FBXO25: variants seen among roughly 807,000 people sequenced by gnomAD.
FBXO25 encodes the protein F-box only protein 25.
A neutral mutation model predicts 51.9 loss-of-function variants in FBXO25; 45 were observed. The ratio of observed to expected loss-of-function variants is 0.87; its 90% CI spans 0.68 to 1.11. The LOEUF (loss-of-function observed/expected upper bound fraction) is 1.11. Among genes scored for constraint, FBXO25 ranks in the 50% most tolerant of loss-of-function variants. The probability of loss-of-function intolerance (pLI) is 0.00; values close to 1 mark genes in which losing one functional copy is unlikely to be tolerated. For synonymous variants in FBXO25, 199 were observed against 151.0 expected, an observed-to-expected ratio of 1.32 and a Z score of -2.33; for missense variants, 507 against 428.5, an observed-to-expected ratio of 1.18 and a Z score of -1.62.
chr8:419,439 C>T (rs146850439), intron 2 of FBXO25, among the ~76,000 whole-genome samples: 71 of 152,264 alleles, frequency 4.7e-4, no homozygotes, highest in African/African-American at 1.7e-3. Context: ...GTATGTGGTA[C>T]TGGCGAAAAG....
In FBXO25 at chr8:451,467, G is replaced by T; in HGVS notation, c.660+14G>T. 1 of 1,607,726 alleles carries T rather than the reference G, an allele frequency of 6.2e-7. No individual in the cohort carries two copies. Among genetic ancestry groups the T allele is most frequent in the South Asian group, 1.1e-5 (1 of 90,120 alleles). ...CAGATGACTAAGGTATAAATATCTC[G>T]GCATAAGAGTTATTACACTCTGTTT... On this transcript the variant is annotated intron_variant, in intron 7 of 9. Transcript: ENST00000350302.
At chr8:426,226 G>A (rs1404358382) in intron 2 of FBXO25, among the ~76,000 whole-genome samples, 2 of 152,164 alleles carry the variant, frequency 1.3e-5, no homozygotes, top group South Asian at 2.1e-4. Flanking sequence ...TCATCCCTCA[G>A]CTCCTGGTCA....
rs112890066 is a variant in FBXO25, at chr8:459,746, G to C, written c.843+1195G>C. ...TAGGGCCTAGACAGATGCATATGGAGAGGACAGGAGGCAACGGGATCAGCC... is the reference window on the plus strand; with the variant it reads ...TAGGGCCTAGACAGATGCATATGGACAGGACAGGAGGCAACGGGATCAGCC... On this transcript the variant is annotated intron_variant, in intron 8 of 9. Coordinates refer to ENST00000350302, the MANE Select transcript of FBXO25 (RefSeq NM_183420.2). 1.3e-3 allele frequency among the ~76,000 whole-genome samples: 203 copies of C among 152,312 alleles called. 2 individuals carry two copies. The highest frequency in any genetic ancestry group is 6.8e-3 in the Middle Eastern group (2 of 294).
intron 5 of FBXO25, among the ~76,000 whole-genome samples, chr8:448,451 T>C (rs1434394204): frequency 6.6e-6 from 1 of 152,220 alleles, no homozygotes; most frequent in African/African-American, 2.4e-5. Flanking sequence ...TCCTTACTTA[T>C]GGGATCCTCC....
intron 5 of FBXO25, among the ~76,000 whole-genome samples, chr8:441,522 C>G (rs951180558): frequency 2.0e-5 from 3 of 152,168 alleles, no homozygotes; most frequent in African/African-American, 2.4e-5. Context: ...CAAATGGGAT[C>G]TAATTAAACT....
At chr8:444,040 T>G (rs972068239) in intron 5 of FBXO25, among the ~76,000 whole-genome samples, 1 of 152,124 alleles carries the variant, frequency 6.6e-6, no homozygotes, top group African/African-American at 2.4e-5. Context: ...CTGCCTCAGT[T>G]TTCTCATCTC....
chr8:407,367 G>C (rs1796217690), intron 1 of FBXO25: 1 of 982,106 alleles, frequency 1.0e-6, no homozygotes, highest in African/African-American at 1.8e-5. Context: ...GCTGAAGTCT[G>C]GGTCCGCGGG....
chr8:466,110 A>C (rs1800143589), intron 9 of FBXO25, among the ~76,000 whole-genome samples: 1 of 152,206 alleles, frequency 6.6e-6, no homozygotes, highest in Non-Finnish European at 1.5e-5. Flanking sequence ...TCATTCTAGA[A>C]GGCAGTCCAC....
chr8:431,245 T>A, intron 2 of FBXO25, 96 bp from the exon 3 acceptor site: 1 of 644,140 alleles, frequency 1.6e-6, no homozygotes, highest in Non-Finnish European at 2.7e-6. Context: ...AAGCCCACAG[T>A]CTGTCACTTT....
chr8:442,771 A>G (rs539704191), intron 5 of FBXO25, among the ~76,000 whole-genome samples: 2 of 152,278 alleles, frequency 1.3e-5, no homozygotes, highest in Non-Finnish European at 2.9e-5. Flanking sequence ...TGCCCAGCCT[A>G]TTTCCACTTT....
At chr8:456,355 G>C (rs1048419075) in intron 7 of FBXO25, among the ~76,000 whole-genome samples, 4 of 152,124 alleles carry the variant, frequency 2.6e-5, no homozygotes, top group African/African-American at 7.2e-5. Context: ...GATTATAGGC[G>C]TGAGCCACCC....
chr8:452,188 A>T (rs1404521821), intron 7 of FBXO25, among the ~76,000 whole-genome samples: 2 of 152,256 alleles, frequency 1.3e-5, no homozygotes, highest in Non-Finnish European at 2.9e-5. Flanking sequence ...TGAATGCCTT[A>T]ACTTTTGGCT....
At chr8:420,886 A>G (rs1797111623) in intron 2 of FBXO25, among the ~76,000 whole-genome samples, 1 of 152,246 alleles carries the variant, frequency 6.6e-6, no homozygotes, top group Non-Finnish European at 1.5e-5. Context: ...ACTGTGCACC[A>G]CAGAATTTCA....
At chr8:426,149 C>G (rs571700814) in intron 2 of FBXO25, among the ~76,000 whole-genome samples, 2 of 152,236 alleles carry the variant, frequency 1.3e-5, no homozygotes, top group African/African-American at 4.8e-5. Context: ...AAATAAAGAC[C>G]ACCCTGCAGC....
chr8:459,488 A>G (rs1018804715), intron 8 of FBXO25, among the ~76,000 whole-genome samples: 2 of 152,224 alleles, frequency 1.3e-5, no homozygotes, highest in East Asian at 3.9e-4. Context: ...AGCAAAGCAC[A>G]TGGAATTGCA....
In FBXO25 at chr8:476,979, T is replaced by C. The variant is rs1800665153; in HGVS notation, c.*8175T>C. On this transcript the variant is annotated 3_prime_UTR_variant, in exon 10 of 10. Coordinates refer to ENST00000350302, the MANE Select transcript of FBXO25 (RefSeq NM_183420.2). ...ACCACTGCTTTGACTGTACCTGTTTTTTTGTATATTACATTTTTCATTTAC... is the reference window on the plus strand; with the variant it reads ...ACCACTGCTTTGACTGTACCTGTTTCTTTGTATATTACATTTTTCATTTAC... 2 of 133,462 alleles carry C rather than the reference T, an allele frequency of 1.5e-5. No homozygotes were observed. Among genetic ancestry groups the C allele is most frequent in the African/African-American group, 3.4e-5 (1 of 29,238 alleles). 8.3% of individuals were successfully genotyped at this position (133,462 alleles called of 1,614,324 possible).
At chr8:417,755 A>T (rs1224018852) in intron 2 of FBXO25, among the ~76,000 whole-genome samples, 1 of 152,134 alleles carries the variant, frequency 6.6e-6, no homozygotes, top group East Asian at 1.9e-4. Context: ...TGAGTTCCTC[A>T]TTCATTATAA....
chr8:469,923 C>G lies in FBXO25; in HGVS notation c.*1119C>G, dbSNP rs1370884905. ...GATTTTTCAGCCCCACTTCTGTGAA[C>G]TGACACAAATGGCCAAGAATGCATT... is the stretch of plus-strand genomic sequence containing the variant. On this transcript the variant is annotated 3_prime_UTR_variant, in exon 10 of 10. Transcript: ENST00000350302. 1.3e-5 allele frequency: 2 copies of G among 152,172 alleles called. No homozygotes were observed. The highest frequency in any genetic ancestry group is 2.4e-5 in the African/African-American group (1 of 41,424). The allele number at this position is 152,172 out of a possible 1,614,324, so 9.4% of individuals were successfully genotyped here.
intron 2 of FBXO25, 135 bp from the exon 3 acceptor site, chr8:431,206 A>C (rs1225439612): frequency 5.9e-6 from 3 of 507,622 alleles, no homozygotes; most frequent in East Asian, 7.2e-5. Flanking sequence ...ATGAAACAAA[A>C]ATGTATTAGA....
Sources: allele counts gnomAD v4.1 joint callset (sites outside exome capture counted in the v4.1 genomes callset), GRCh38; gene constraint gnomAD v4.1.1; transcripts MANE v1.5; gene names NCBI Gene and HGNC (gene_info 2026-07-23, HGNC 2026-07-21).